The following TENM3 variants were observed in gnomAD, a reference collection of about 807,000 sequenced individuals.
TENM3 encodes the protein teneurin transmembrane protein 3, also known as teneurin-3.
TENM3 carries 63 observed loss-of-function variants against 255.1 expected under a neutral mutation model. The ratio of observed to expected loss-of-function variants is 0.25; its 90% CI spans 0.20 to 0.30. The LOEUF (loss-of-function observed/expected upper bound fraction) is 0.30. TENM3 is among the 10% of genes least tolerant of loss of function. The pLI is 1.00. For missense variants in TENM3, 2,929 were observed against 3,461.1 expected (o/e 0.85, Z 3.86); for synonymous variants, 1,306 against 1,322.3 (o/e 0.99, Z 0.27).
chr4:181,530,322 T>C, the TENM3 span, among the ~76,000 whole-genome samples: 1 of 152,232 alleles, frequency 6.6e-6, no homozygotes, highest in South Asian at 2.1e-4. Context: ...TTATTTCAAG[T>C]AATGATCTTA....
chr4:182,419,308 A>G (rs1770621776), intron 3 of TENM3, among the ~76,000 whole-genome samples: 1 of 152,172 alleles, frequency 6.6e-6, no homozygotes, highest in African/African-American at 2.4e-5. Flanking sequence ...TGCAAATCAA[A>G]ATCACAATGA....
intron 3 of TENM3, among the ~76,000 whole-genome samples, chr4:182,549,009 T>C (rs1321650999): frequency 6.6e-6 from 1 of 152,222 alleles, no homozygotes; most frequent in Admixed American, 6.5e-5. Context: ...GTGGTTTTTT[T>C]CTCTCTTACT....
At chr4:182,586,507 A>G (rs1001154413) in intron 3 of TENM3, among the ~76,000 whole-genome samples, 4 of 152,170 alleles carry the variant, frequency 2.6e-5, no homozygotes, top group African/African-American at 9.7e-5. Context: ...CACACAAAAA[A>G]CATACCCCCA....
the TENM3 span, among the ~76,000 whole-genome samples, chr4:181,725,740 C>G: frequency 6.6e-6 from 1 of 152,126 alleles, no homozygotes; most frequent in African/African-American, 2.4e-5. Context: ...CCGCACCCAG[C>G]CTTTCAAACC....
intron 12 of TENM3, among the ~76,000 whole-genome samples, chr4:182,699,268 T>C (rs894658405): frequency 6.6e-6 from 1 of 152,236 alleles, no homozygotes; most frequent in Non-Finnish European, 1.5e-5. Context: ...AAACCTGTTG[T>C]GATTTTTCTC....
intron 12 of TENM3, among the ~76,000 whole-genome samples, chr4:182,704,658 TAG>T (rs1758134305): frequency 6.6e-6 from 1 of 152,192 alleles, no homozygotes; most frequent in Non-Finnish European, 1.5e-5. Context: ...AGAGGCAATG[TAG>T]TTATTCAGAT....
At chr4:182,264,681 C>G (rs936836497) in intron 1 of TENM3, among the ~76,000 whole-genome samples, 4 of 152,160 alleles carry the variant, frequency 2.6e-5, no homozygotes, top group Non-Finnish European at 4.4e-5. Context: ...TTTCTCTTCT[C>G]CGTGGACTGT....
chr4:181,895,830 C>A, the TENM3 span, among the ~76,000 whole-genome samples: 1 of 152,178 alleles, frequency 6.6e-6, no homozygotes, highest in African/African-American at 2.4e-5. Flanking sequence ...CAGTTGTGAG[C>A]CACTGTACCC....
At chr4:182,505,644 A>AT (rs953106772) in intron 3 of TENM3, among the ~76,000 whole-genome samples, 9 of 150,660 alleles carry the variant, frequency 6.0e-5, no homozygotes, top group East Asian at 3.9e-4. Flanking sequence ...ACGCCCGGCT[A>AT]TTTTTTTTTA....
At chr4:181,916,803 G>A in the TENM3 span, among the ~76,000 whole-genome samples, 1 of 152,222 alleles carries the variant, frequency 6.6e-6, no homozygotes, top group Admixed American at 6.5e-5. Flanking sequence ...TTTGAACCTG[G>A]GAGGCAGAGG....
At chr4:182,483,872 T>C (rs62337189) in intron 3 of TENM3, among the ~76,000 whole-genome samples, 37 of 152,086 alleles carry the variant, frequency 2.4e-4, no homozygotes, top group African/African-American at 8.9e-4. Flanking sequence ...CTACCCATTC[T>C]TAACCAGATC....
chr4:182,753,382 G>C, intron 20 of TENM3, 68 bp from the exon 21 acceptor site: 1 of 1,328,280 alleles, frequency 7.5e-7, no homozygotes. Context: ...GTTTAATAAT[G>C]GGCCTAATAG....
At chr4:182,358,152 G>T (rs1765696493) in intron 3 of TENM3, among the ~76,000 whole-genome samples, 1 of 151,846 alleles carries the variant, frequency 6.6e-6, no homozygotes, top group African/African-American at 2.4e-5. Context: ...CAGGTAGCGT[G>T]ATGCCTCCAG....
the TENM3 span, among the ~76,000 whole-genome samples, chr4:181,765,656 C>T: frequency 1.4e-4 from 22 of 152,256 alleles, no homozygotes; most frequent in Middle Eastern, 3.4e-3. Context: ...AGCTTCCCTT[C>T]GGTCATCAAT....
chr4:182,411,723 G>A (rs1770000220), intron 3 of TENM3, among the ~76,000 whole-genome samples: 1 of 152,152 alleles, frequency 6.6e-6, no homozygotes, highest in African/African-American at 2.4e-5. Context: ...TCCGTACTAT[G>A]CGTTATTTTG....
chr4:182,248,939 T>C (rs1415428317), intron 1 of TENM3, among the ~76,000 whole-genome samples: 1 of 152,202 alleles, frequency 6.6e-6, no homozygotes, highest in Non-Finnish European at 1.5e-5. Flanking sequence ...GCAATAGTAA[T>C]AGCAATAGGA....
intron 7 of TENM3, among the ~76,000 whole-genome samples, chr4:182,676,467 G>A (rs186709827): frequency 7.2e-5 from 11 of 152,290 alleles, no homozygotes; most frequent in African/African-American, 2.4e-4. Flanking sequence ...GAAAGAGTTG[G>A]ATCAGATGAT....
chr4:181,472,716 T>C, the TENM3 span, among the ~76,000 whole-genome samples: 7 of 152,190 alleles, frequency 4.6e-5, no homozygotes, highest in African/African-American at 1.7e-4. Flanking sequence ...TTATTTGGAA[T>C]TGGAACATTG....
At position 182,316,312 on chromosome 4, in the gene TENM3, C is replaced by A. The variant is rs77316694; in HGVS notation, c.-75-7634C>A. On this transcript the variant is annotated intron_variant, in intron 1 of 27. Coordinates refer to ENST00000511685, the MANE Select transcript of TENM3 (RefSeq NM_001080477.4). ...TTAGTTTACTGCTAATTATTCCCCGCAACTGAAGCAAGAACTTTCTGAGTA... is the reference window on the plus strand; with the variant it reads ...TTAGTTTACTGCTAATTATTCCCCGAAACTGAAGCAAGAACTTTCTGAGTA... Among the ~76,000 whole-genome samples the A allele has an allele frequency of 2.6e-3, 394 of 152,210 alleles. 3 individuals carry two copies. Among genetic ancestry groups the A allele is most frequent in the African/African-American group, 9.1e-3 (376 of 41,522 alleles).
Sources: allele counts gnomAD v4.1 joint callset (sites outside exome capture counted in the v4.1 genomes callset), GRCh38; gene constraint gnomAD v4.1.1; transcripts MANE v1.5; gene names NCBI Gene and HGNC (gene_info 2026-07-23, HGNC 2026-07-21).